ATF7IP: variants seen among roughly 807,000 people sequenced by gnomAD.
The protein encoded by ATF7IP is activating transcription factor 7-interacting protein 1.
A neutral mutation model predicts 106.4 loss-of-function variants in ATF7IP; 23 were observed. The ratio of observed to expected loss-of-function variants is 0.22; its 90% CI spans 0.16 to 0.31. The LOEUF (loss-of-function observed/expected upper bound fraction) is 0.31, where lower values mean the gene tolerates loss of function less well. Among genes scored for constraint, ATF7IP ranks in the 10% least tolerant of loss-of-function variants. The pLI is 1.00. For missense variants in ATF7IP, 1,334 were observed against 1,524.3 expected (o/e 0.88, Z 2.08); for synonymous variants, 542 against 539.0 (o/e 1.01, Z -0.08).
rs1360414562 is a variant in ATF7IP, at chr12:14,379,529, C to CCTTGGCAGGAGAATTCTAA, written c.-8+13719_-8+13720insAACTTGGCAGGAGAATTCT. On this transcript the variant is annotated intron_variant, in intron 1 of 14. Coordinates refer to ENST00000261168, the MANE Select transcript of ATF7IP (RefSeq NM_018179.5). ...ATGTCTTTTTATTGATTTATTCTGT[C>CCTTGGCAGGAGAATTCTAA]CTTGGCAGGAGAATTCTTAGAATTC... Among the ~76,000 whole-genome samples the CCTTGGCAGGAGAATTCTAA allele has an allele frequency of 2.2e-4, 33 of 152,064 alleles. 1 individual carries two copies. Among genetic ancestry groups the CCTTGGCAGGAGAATTCTAA allele is most frequent in the Admixed American group, 1.9e-3 (28 of 15,134 alleles).
Position 14,479,777 on chromosome 12 carries a change from A to AT in ATF7IP, c.3098-1226_3098-1225insT, listed in dbSNP as rs1246138403. Among the ~76,000 whole-genome samples, 337 of 152,152 alleles carry AT rather than the reference A, an allele frequency of 2.2e-3. 1 individual carries two copies. Among genetic ancestry groups the AT allele is most frequent in the African/African-American group, 7.8e-3 (323 of 41,528 alleles). Reference sequence around the variant, plus strand: ...CCAGGCAAAAGAATGTGCCTATGTGACTTTATTTCTGGTGTGTAGATTTTA... The same window carrying AT: ...CCAGGCAAAAGAATGTGCCTATGTGATCTTTATTTCTGGTGTGTAGATTTTA... On this transcript the variant is annotated intron_variant, in intron 12 of 14. Coordinates refer to ENST00000261168, the MANE Select transcript of ATF7IP (RefSeq NM_018179.5).
intron 1 of ATF7IP, among the ~76,000 whole-genome samples, chr12:14,402,608 ATTTTT>A (rs57777648): frequency 8.9e-6 from 1 of 112,266 alleles, no homozygotes. Flanking sequence ...TGCCATTCTG[ATTTTT>A]TTTTTTTTTT....
At chr12:14,427,616 A>G (rs770379984) in intron 2 of ATF7IP, among the ~76,000 whole-genome samples, 1 of 152,132 alleles carries the variant, frequency 6.6e-6, no homozygotes, top group Non-Finnish European at 1.5e-5. Flanking sequence ...CTCCTGCCTC[A>G]GCCTCCCAAA....
chr12:14,406,039 C>T (rs988187189), intron 1 of ATF7IP, among the ~76,000 whole-genome samples: 2 of 152,036 alleles, frequency 1.3e-5, no homozygotes, highest in African/African-American at 4.8e-5. Context: ...TGTGAAATTC[C>T]AAGACATGTT....
At chr12:14,449,660 A>G (rs939691551) in intron 6 of ATF7IP, among the ~76,000 whole-genome samples, 2 of 144,074 alleles carry the variant, frequency 1.4e-5, no homozygotes, top group South Asian at 2.2e-4. Flanking sequence ...TTTCAAAACT[A>G]TTTTTGCAAT....
At chr12:14,406,685 GATGGAGT>G (rs1940604105) in intron 1 of ATF7IP, among the ~76,000 whole-genome samples, 1 of 133,234 alleles carries the variant, frequency 7.5e-6, no homozygotes, top group South Asian at 2.4e-4. Flanking sequence ...TTTTTTTTGA[GATGGAGT>G]CTCGCTCTTT....
At chr12:14,374,612 A>G (rs557776363) in intron 1 of ATF7IP, among the ~76,000 whole-genome samples, 1 of 152,224 alleles carries the variant, frequency 6.6e-6, no homozygotes, top group South Asian at 2.1e-4. Context: ...GATCAAGGAG[A>G]TTTTATGGGA....
chr12:14,418,524 G>T (rs201300226), intron 1 of ATF7IP, among the ~76,000 whole-genome samples: 1 of 152,120 alleles, frequency 6.6e-6, no homozygotes, highest in East Asian at 1.9e-4. Flanking sequence ...GTACTAAAAT[G>T]ATCCTTGGAA....
chr12:14,466,700 A>G (rs2136750074), intron 10 of ATF7IP, 110 bp downstream of exon 10: 1 of 819,170 alleles, frequency 1.2e-6, no homozygotes, highest in East Asian at 2.6e-5. Flanking sequence ...TGTTTTTTAT[A>G]ACTATCCAAA....
At chr12:14,474,843 G>C (rs1049613474) in intron 10 of ATF7IP, among the ~76,000 whole-genome samples, 1 of 152,118 alleles carries the variant, frequency 6.6e-6, no homozygotes, top group Admixed American at 6.5e-5. Context: ...ATAATATGTT[G>C]TAGTGAAAGA....
At chr12:14,432,966 G>T (rs1942215090) in intron 2 of ATF7IP, among the ~76,000 whole-genome samples, 1 of 152,126 alleles carries the variant, frequency 6.6e-6, no homozygotes, top group Non-Finnish European at 1.5e-5. Context: ...TTGACCAAAA[G>T]AACGTTTTGG....
intron 1 of ATF7IP, among the ~76,000 whole-genome samples, chr12:14,383,221 A>G (rs1939071911): frequency 6.6e-6 from 1 of 152,208 alleles, no homozygotes; most frequent in Admixed American, 6.5e-5. Context: ...AACCTGTATT[A>G]TTAGTAGCCA....
intron 4 of ATF7IP, among the ~76,000 whole-genome samples, chr12:14,436,563 G>A (rs1235938368): frequency 1.3e-5 from 2 of 152,088 alleles, no homozygotes; most frequent in Non-Finnish European, 2.9e-5. Context: ...GTTGTGGTGG[G>A]TGCCTGTAAT....
intron 1 of ATF7IP, among the ~76,000 whole-genome samples, chr12:14,399,471 ATGCCTAGG>A (rs1940060480): frequency 6.6e-6 from 1 of 152,040 alleles, no homozygotes; most frequent in South Asian, 2.1e-4. Context: ...TTATTGCAGT[ATGCCTAGG>A]TGTCAAAAAA....
In ATF7IP at chr12:14,501,710, GATA is replaced by G. The variant is rs1945164190; in HGVS notation, c.*3642_*3644del. 6.6e-6 allele frequency: 1 copy of G among 152,148 alleles called. No individual in the cohort carries two copies. Among genetic ancestry groups the G allele is most frequent in the African/African-American group, 2.4e-5 (1 of 41,438 alleles). The allele number at this position is 152,148 out of a possible 1,614,324, so 9.4% of individuals were successfully genotyped here. A position where few individuals can be genotyped will look rare whatever the true frequency, so the allele number is the denominator to read the frequency against. On this transcript the variant is annotated 3_prime_UTR_variant, in exon 15 of 15. Coordinates refer to ENST00000261168, the MANE Select transcript of ATF7IP (RefSeq NM_018179.5). ...TTCCCCACTCCCATCCCCATTGCCA[GATA>G]ATAAATATTTTGAGAAAAGTGACCT...
Position 14,460,624 on chromosome 12 carries a change from C to A in ATF7IP, c.2288C>A (p.Ala763Asp). ...GCACCCAATACAGCTACTGTAGTTG[C>A]TACTACTCAGGTGCCTAGTGGAAAT... ...LPAPNTATVV[A>D]TTQVPSGNPQ... Residue 763 changes from alanine (A) to aspartate (D), a missense_variant, in exon 9 of 15, where the codon GCT becomes GAT. Around this residue, in one of 10 missense-constraint regions of ATF7IP, gnomAD observed 171 missense variants for 172.6 expected, o/e 0.99. Coordinates refer to ENST00000261168, the MANE Select transcript of ATF7IP (RefSeq NM_018179.5). 6.2e-7 allele frequency: 1 copy of A among 1,614,166 alleles called. No homozygotes were observed. The highest frequency in any genetic ancestry group is 8.5e-7 in the Non-Finnish European group (1 of 1,180,010).
In ATF7IP at chr12:14,498,199, A is replaced by T; in HGVS notation, c.*126A>T. On this transcript the variant is annotated 3_prime_UTR_variant, in exon 15 of 15. Transcript: ENST00000261168. Reference sequence around the variant, plus strand: ...ATTTCTTGGACAGATGTGTGTATACACTACATTTGTTTATAACCAGAAGCA... The same window carrying T: ...ATTTCTTGGACAGATGTGTGTATACTCTACATTTGTTTATAACCAGAAGCA... 1 of 882,648 alleles carries T rather than the reference A, an allele frequency of 1.1e-6. No homozygotes were observed. Among genetic ancestry groups the T allele is most frequent in the African/African-American group, 1.7e-5 (1 of 59,898 alleles). 54.7% of individuals were successfully genotyped at this position (882,648 alleles called of 1,614,324 possible).
At position 14,436,116 on chromosome 12, in the gene ATF7IP, T is replaced by C; in HGVS notation, c.1656T>C (p.Ser552=). The change falls in exon 4 of 15, where the codon TCT becomes TCC. Residue 552 remains serine (S), a synonymous_variant. Coordinates refer to ENST00000261168, the MANE Select transcript of ATF7IP (RefSeq NM_018179.5). ...GGTTTTCCTTCTCAGATGAATTTTCTAGACGAAAACGTTCTAAATCAGAAG... is the reference window on the plus strand; with the variant it reads ...GGTTTTCCTTCTCAGATGAATTTTCCAGACGAAAACGTTCTAAATCAGAAG... ...DERPSEKNEF[S]RRKRSKSEDM... 7 of 1,612,588 alleles carry C rather than the reference T, an allele frequency of 4.3e-6. No individual in the cohort carries two copies. The highest frequency in any genetic ancestry group is 5.9e-6 in the Non-Finnish European group (7 of 1,179,332).
chr12:14,479,922 C>T (rs1591952621), intron 12 of ATF7IP, among the ~76,000 whole-genome samples: 1 of 152,072 alleles, frequency 6.6e-6, no homozygotes, highest in Admixed American at 6.6e-5. Flanking sequence ...TAATGACAGT[C>T]ATCAAAATTA....
Sources: gnomAD v4.1 joint callset for allele counts (sites outside exome capture counted in the v4.1 genomes callset) on GRCh38, gnomAD v4.1.1 for gene constraint, gnomAD v4.1.1 regional missense constraint, MANE v1.5 for transcripts, NCBI Gene and HGNC (gene_info 2026-07-23, HGNC 2026-07-21) for gene names.